The following WNK1 variants were observed in gnomAD, a reference collection of about 807,000 sequenced individuals.
The protein encoded by WNK1 is serine/threonine-protein kinase WNK1.
In WNK1, 38 loss-of-function variants were observed where a neutral mutation model predicts 222.8. The ratio of observed to expected loss-of-function variants is 0.17; its 90% CI spans 0.13 to 0.22. WNK1 has a LOEUF of 0.22. Among genes scored for constraint, WNK1 ranks in the 10% least tolerant of loss-of-function variants. The probability of loss-of-function intolerance (pLI) is 1.00; values close to 1 mark genes in which losing one functional copy is unlikely to be tolerated. For missense variants in WNK1, 2,348 were observed against 2,918.4 expected (o/e 0.80, Z 4.50); for synonymous variants, 1,090 against 1,092.9 (o/e 1.00, Z 0.05).
chr12:825,390 C>T (rs993654622), intron 2 of WNK1, among the ~76,000 whole-genome samples: 2 of 152,150 alleles, frequency 1.3e-5, no homozygotes, highest in African/African-American at 4.8e-5. Flanking sequence ...ATTACATTTA[C>T]GTTGTTACTT....
chr12:874,467 C>T (rs996304537), intron 9 of WNK1, among the ~76,000 whole-genome samples: 1 of 152,138 alleles, frequency 6.6e-6, no homozygotes, highest in African/African-American at 2.4e-5. Flanking sequence ...TCATAGATGC[C>T]TCTCAGTTGT....
At chr12:849,750 A>G (rs1950283889) in intron 4 of WNK1, among the ~76,000 whole-genome samples, 1 of 144,776 alleles carries the variant, frequency 6.9e-6, no homozygotes, top group African/African-American at 2.5e-5. Context: ...CCGGTGTGTG[A>G]TGTTCCTCTT....
Position 908,737 on chromosome 12 carries a change from G to C in WNK1, c.7094G>C (p.Ser2365Thr). Residue 2365 changes from serine (S) to threonine (T), a missense_variant, in exon 28 of 28, where the codon AGC (serine) becomes ACC (threonine). Around this residue, in one of 13 missense-constraint regions of WNK1, gnomAD observed 76 missense variants for 85.7 expected, o/e 0.89. Transcript: ENST00000315939. ...GTASLQNFNI[S>T]NLQKSISNPP... is the part of the protein sequence containing the mutation. ...GCCTCCTTGCAGAATTTCAACATCA[G>C]CAATTTGCAGAAATCCATCAGCAAC... The C allele has an allele frequency of 2.5e-6, 4 of 1,612,928 alleles. No individual in the cohort carries two copies. Among genetic ancestry groups the C allele is most frequent in the Non-Finnish European group, 3.4e-6 (4 of 1,179,796 alleles).
intron 1 of WNK1, among the ~76,000 whole-genome samples, chr12:812,388 G>C (rs1453262642): frequency 6.6e-6 from 1 of 152,196 alleles, no homozygotes; most frequent in African/African-American, 2.4e-5. Flanking sequence ...CACTATGCTA[G>C]GTTGTCAGGT....
chr12:830,082 C>T lies in WNK1; in HGVS notation c.1233C>T (p.Cys411=), dbSNP rs2154027960. 1 of 1,613,998 alleles carries T rather than the reference C, an allele frequency of 6.2e-7. No individual in the cohort carries two copies. Among genetic ancestry groups the T allele is most frequent in the Non-Finnish European group, 8.5e-7 (1 of 1,179,912 alleles). ...TTGACGTTTATGCTTTTGGGATGTG[C>T]ATGCTTGAGATGGCTACATCTGAAT... ...ESVDVYAFGM[C]MLEMATSEYP... The change falls in exon 4 of 28, where the codon TGC becomes TGT. Residue 411 remains cysteine (C), a synonymous_variant. Coordinates refer to ENST00000315939, the MANE Select transcript of WNK1 (RefSeq NM_018979.4).
At chr12:802,837 T>C (rs1184910897) in intron 1 of WNK1, among the ~76,000 whole-genome samples, 1 of 152,202 alleles carries the variant, frequency 6.6e-6, no homozygotes, top group Non-Finnish European at 1.5e-5. Flanking sequence ...CAGCAACTGA[T>C]TTTCTTTTTG....
In WNK1 at chr12:881,833, C is replaced by T. The variant is rs72650716; in HGVS notation, c.3209+44C>T. On this transcript the variant is annotated intron_variant, in intron 13 of 27. Coordinates refer to ENST00000315939, the MANE Select transcript of WNK1 (RefSeq NM_018979.4). ...CTCCTTCCTTGACTGGTAAATAAGA[C>T]GGTATGAAACGCCAAACTGTCAGAC... 15,813 of 1,612,714 alleles carry T rather than the reference C, an allele frequency of 9.8e-3. 153 individuals carry two copies. Among genetic ancestry groups the T allele is most frequent in the South Asian group, 0.036 (3,265 of 91,044 alleles).
chr12:795,348 C>A (rs1357045016), intron 1 of WNK1, among the ~76,000 whole-genome samples: 2 of 146,436 alleles, frequency 1.4e-5, no homozygotes, highest in Non-Finnish European at 3.0e-5. Context: ...GGCTCTGTAT[C>A]CCCCCACCCA....
chr12:773,573 A>G (rs1942780933), intron 1 of WNK1, among the ~76,000 whole-genome samples: 2 of 152,216 alleles, frequency 1.3e-5, no homozygotes, highest in Non-Finnish European at 2.9e-5. Flanking sequence ...TCATCACTAA[A>G]AGACAATGTC....
intron 4 of WNK1, among the ~76,000 whole-genome samples, chr12:846,477 CGTGA>C (rs909355432): frequency 5.9e-5 from 9 of 152,046 alleles, no homozygotes; most frequent in African/African-American, 9.7e-5. Flanking sequence ...CTTGGGGAAT[CGTGA>C]GTAAGTTAAT....
At chr12:781,944 A>G (rs1392380338) in intron 1 of WNK1, among the ~76,000 whole-genome samples, 1 of 152,148 alleles carries the variant, frequency 6.6e-6, no homozygotes, top group African/African-American at 2.4e-5. Context: ...AATGATTAAA[A>G]TGAAGTTTTC....
intron 22 of WNK1, among the ~76,000 whole-genome samples, chr12:891,207 C>T (rs1213315831): frequency 2.0e-5 from 3 of 152,124 alleles, no homozygotes; most frequent in African/African-American, 4.8e-5. Context: ...GGCATCATCT[C>T]GACTCATTGC....
chr12:808,844 A>G (rs1481698489), intron 1 of WNK1, among the ~76,000 whole-genome samples: 1 of 150,048 alleles, frequency 6.7e-6, no homozygotes, highest in Non-Finnish European at 1.5e-5. Flanking sequence ...ACTCACTGCA[A>G]TCTCCGCTTC....
At chr12:894,541 T>G (rs1469623638) in intron 22 of WNK1, 21 bp from the exon 23 acceptor site, 1 of 1,601,792 alleles carries the variant, frequency 6.2e-7, no homozygotes, top group Non-Finnish European at 8.6e-7. Flanking sequence ...TATGTTTTCC[T>G]CATCCATGTA....
chr12:768,084 G>A (rs532342976), intron 1 of WNK1, among the ~76,000 whole-genome samples: 1 of 152,220 alleles, frequency 6.6e-6, no homozygotes, highest in Admixed American at 6.5e-5. Flanking sequence ...GCTAGTTTAG[G>A]TTTTAGTTTG....
intron 14 of WNK1, among the ~76,000 whole-genome samples, chr12:882,435 G>T (rs1184454610): frequency 1.3e-5 from 2 of 152,124 alleles, no homozygotes; most frequent in African/African-American, 4.8e-5. Flanking sequence ...CTGACCTCAG[G>T]TGACTCACCT....
At chr12:775,642 C>T (rs1943002708) in intron 1 of WNK1, among the ~76,000 whole-genome samples, 1 of 152,154 alleles carries the variant, frequency 6.6e-6, no homozygotes, top group Non-Finnish European at 1.5e-5. Context: ...TGCCACTCTA[C>T]TCTAGCCTGG....
intron 1 of WNK1, among the ~76,000 whole-genome samples, chr12:783,192 A>G (rs963906105): frequency 2.0e-5 from 3 of 152,060 alleles, no homozygotes; most frequent in Non-Finnish European, 4.4e-5. Context: ...TGAGATTATA[A>G]GTGTGAGCCA....
At chr12:872,918 A>T (rs941091570) in intron 9 of WNK1, among the ~76,000 whole-genome samples, 1 of 152,226 alleles carries the variant, frequency 6.6e-6, no homozygotes, top group African/African-American at 2.4e-5. Flanking sequence ...TTGTTTATAC[A>T]TGCATTCACT....
Sources: allele counts gnomAD v4.1 joint callset (sites outside exome capture counted in the v4.1 genomes callset), GRCh38; gene constraint gnomAD v4.1.1; regional missense constraint gnomAD v4.1.1; transcripts MANE v1.5; gene names NCBI Gene and HGNC (gene_info 2026-07-23, HGNC 2026-07-21).